Variants in TBC1D5 observed in about 807,000 individuals in gnomAD.
TBC1D5 encodes the protein TBC1 domain family, member 5.
In TBC1D5, 75 loss-of-function variants were observed where a neutral mutation model predicts 100.3. The ratio of observed to expected loss-of-function variants is 0.75; its 90% CI spans 0.62 to 0.91. The LOEUF is 0.91. Among genes scored for constraint, TBC1D5 ranks in the 40% least tolerant of loss-of-function variants. TBC1D5 has a pLI of 0.00. For missense variants in TBC1D5, 910 were observed against 942.4 expected, an observed-to-expected ratio of 0.97 and a Z score of 0.45; for synonymous variants, 323 against 325.6, an observed-to-expected ratio of 0.99 and a Z score of 0.09.
intron 13 of TBC1D5, among the ~76,000 whole-genome samples, chr3:17,335,798 T>C (rs964895143): frequency 3.3e-5 from 5 of 152,136 alleles, no homozygotes; most frequent in Non-Finnish European, 7.4e-5. Flanking sequence ...AAAGTTGAGG[T>C]GTCATCTAGA....
rs1290264206 is a variant in TBC1D5 at position 17,681,458 on chromosome 3, C to T, written c.-100-57545G>A. ...TTTGCCATGTCAGATAAATACATAT[C>T]AGGAGGAAATTCAAAAGAAAACTAT... is the stretch of plus-strand genomic sequence containing the variant. On this transcript the variant is annotated intron_variant, in intron 1 of 21. Transcript: ENST00000253692. Among the ~76,000 whole-genome samples the T allele has an allele frequency of 2.6e-5, 4 of 151,432 alleles. 1 individual carries two copies. The highest frequency in any genetic ancestry group is 9.8e-5 in the African/African-American group (4 of 40,770).
Position 17,613,388 on chromosome 3 carries a change from TG to T in TBC1D5, c.-36+10460del, listed in dbSNP as rs1311828318. Among the ~76,000 whole-genome samples, 14 of 152,364 alleles carry T rather than the reference TG, an allele frequency of 9.2e-5. No homozygotes were observed. The South Asian group carries it at 2.9e-3, about 32-fold the overall frequency. Reference sequence around the variant, plus strand: ...TATAGTAGCATGATTAACAATCCTTTGGGTATATACCCAGTAATGGGATTGC... The same window carrying T: ...TATAGTAGCATGATTAACAATCCTTTGGTATATACCCAGTAATGGGATTGC... On this transcript the variant is annotated intron_variant, in intron 2 of 21. Transcript: ENST00000253692.
intron 2 of TBC1D5, among the ~76,000 whole-genome samples, chr3:17,535,999 G>A (rs2096278140): frequency 6.6e-6 from 1 of 152,092 alleles, no homozygotes; most frequent in Non-Finnish European, 1.5e-5. Flanking sequence ...TGTCAAAGAT[G>A]TATTTTCAGA....
In TBC1D5 at chr3:17,218,116, T is replaced by A. The variant is rs114271538; in HGVS notation, c.1589-3746A>T. 7.7e-3 allele frequency among the ~76,000 whole-genome samples: 1,171 copies of A among 152,194 alleles called. 16 individuals are homozygous for A. The highest frequency in any genetic ancestry group is 0.027 in the African/African-American group (1,125 of 41,570). On this transcript the variant is annotated intron_variant, in intron 17 of 21. Coordinates refer to ENST00000253692, the Ensembl canonical transcript of TBC1D5. Reference sequence around the variant, plus strand: ...ACTATTTGTAAAAAAGACTACTCTTTCCACATAAATAATCTTGGCACCCGT... The same window carrying A: ...ACTATTTGTAAAAAAGACTACTCTTACCACATAAATAATCTTGGCACCCGT...
At chr3:17,692,985 A>G (rs1173625781) in intron 1 of TBC1D5, among the ~76,000 whole-genome samples, 1 of 152,234 alleles carries the variant, frequency 6.6e-6, no homozygotes, top group East Asian at 1.9e-4. Context: ...CAAACATTAC[A>G]TGGGCGGAGC....
At chr3:17,308,951 G>A (rs2150569946) in intron 13 of TBC1D5, among the ~76,000 whole-genome samples, 1 of 152,060 alleles carries the variant, frequency 6.6e-6, no homozygotes, top group South Asian at 2.1e-4. Context: ...AATTTGGTTT[G>A]ATGTTTTTAT....
intron 1 of TBC1D5, among the ~76,000 whole-genome samples, chr3:17,667,535 T>C (rs1000527283): frequency 4.3e-4 from 66 of 152,168 alleles, no homozygotes; most frequent in African/African-American, 1.6e-3. Flanking sequence ...GGCTGCAGCC[T>C]TGACCTCCCA....
chr3:17,371,950 T>C (rs2092479634), intron 13 of TBC1D5, 125 bp downstream of exon 13: 2 of 814,454 alleles, frequency 2.5e-6, no homozygotes, highest in Non-Finnish European at 3.4e-6. Context: ...GATGGGAGGA[T>C]CGCTTGAGCC....
At chr3:17,214,898 CT>C (rs1379521035) in intron 17 of TBC1D5, among the ~76,000 whole-genome samples, 1 of 152,124 alleles carries the variant, frequency 6.6e-6, no homozygotes, top group Non-Finnish European at 1.5e-5. Context: ...GAAGTACCCG[CT>C]TTGCAGCAAA....
intron 9 of TBC1D5, among the ~76,000 whole-genome samples, chr3:17,382,435 TACTC>T (rs1158461753): frequency 1.3e-5 from 2 of 152,090 alleles, no homozygotes; most frequent in Non-Finnish European, 2.9e-5. Flanking sequence ...ACACGTATCT[TACTC>T]AGGTTATCAC....
intron 19 of TBC1D5, among the ~76,000 whole-genome samples, chr3:17,181,956 G>A (rs1005428839): frequency 6.6e-6 from 1 of 151,888 alleles, no homozygotes; most frequent in African/African-American, 2.4e-5. Context: ...GAACACCTTA[G>A]TCCTTCCAAT....
intron 2 of TBC1D5, among the ~76,000 whole-genome samples, chr3:17,570,906 C>T (rs1408091699): frequency 6.6e-6 from 1 of 151,952 alleles, no homozygotes; most frequent in African/African-American, 2.4e-5. Flanking sequence ...GTATTTAATA[C>T]TGCTACATTT....
chr3:17,593,667 C>T (rs1389300866), intron 2 of TBC1D5, among the ~76,000 whole-genome samples: 1 of 152,192 alleles, frequency 6.6e-6, no homozygotes, highest in Non-Finnish European at 1.5e-5. Flanking sequence ...TTCCACACAG[C>T]ACCCTCTGAC....
chr3:17,639,842 T>C (rs1253326596), intron 1 of TBC1D5, among the ~76,000 whole-genome samples: 1 of 152,120 alleles, frequency 6.6e-6, no homozygotes, highest in Non-Finnish European at 1.5e-5. Flanking sequence ...GAATAGCAAA[T>C]AGGTTTCACT....
chr3:17,368,150 C>A (rs2151983821), intron 13 of TBC1D5, among the ~76,000 whole-genome samples: 1 of 147,280 alleles, frequency 6.8e-6, no homozygotes, highest in South Asian at 2.2e-4. Flanking sequence ...AATAAGCAAA[C>A]TGTTATATAA....
intron 17 of TBC1D5, among the ~76,000 whole-genome samples, chr3:17,228,481 C>A (rs1236092386): frequency 1.3e-5 from 2 of 152,144 alleles, no homozygotes; most frequent in South Asian, 2.1e-4. Context: ...TTCACAGGTT[C>A]TCTCTTGATA....
chr3:17,654,230 A>G (rs1366526250), intron 1 of TBC1D5, among the ~76,000 whole-genome samples: 1 of 152,158 alleles, frequency 6.6e-6, no homozygotes, highest in Non-Finnish European at 1.5e-5. Context: ...CATTTTAGCA[A>G]TATCACTAGA....
chr3:17,649,451 T>C (rs1236247843), intron 1 of TBC1D5, among the ~76,000 whole-genome samples: 1 of 152,090 alleles, frequency 6.6e-6, no homozygotes, highest in East Asian at 1.9e-4. Flanking sequence ...CAAATCTGCA[T>C]GTACCTCCAA....
intron 1 of TBC1D5, among the ~76,000 whole-genome samples, chr3:17,671,735 G>A (rs1335624542): frequency 6.6e-6 from 1 of 152,064 alleles, no homozygotes; most frequent in Non-Finnish European, 1.5e-5. Flanking sequence ...TAATTATATA[G>A]AAAAAACATA....
Sources: gnomAD v4.1 joint callset for allele counts (sites outside exome capture counted in the v4.1 genomes callset) on GRCh38, gnomAD v4.1.1 for gene constraint, MANE v1.5 for transcripts, NCBI Gene and HGNC (gene_info 2026-07-23, HGNC 2026-07-21) for gene names.